Variants in NOL4 observed in about 807,000 individuals in gnomAD.
NOL4 encodes the protein nucleolar protein 4, also known as cancer/testis antigen 125.
NOL4 carries 17 observed loss-of-function variants against 75.9 expected under a neutral mutation model. The observed-to-expected ratio is 0.22, with a 90% CI of 0.15 to 0.34. NOL4 has a LOEUF of 0.34. Among genes scored for constraint, NOL4 ranks in the 10% least tolerant of loss-of-function variants. NOL4 has a pLI of 1.00. For missense variants in NOL4, 614 were observed against 793.5 expected, an observed-to-expected ratio of 0.77 and a Z score of 2.72; for synonymous variants, 292 against 289.9, an observed-to-expected ratio of 1.01 and a Z score of -0.07.
rs186367179 is a variant in NOL4 at position 34,079,257 on chromosome 18, C to T, written c.772+14208G>A. Reference sequence around the variant, plus strand: ...TATCCCCAACGAAGAGTAACTTTCGCATCATATGTCTATCATTGTTAAATC... The same window carrying T: ...TATCCCCAACGAAGAGTAACTTTCGTATCATATGTCTATCATTGTTAAATC... On this transcript the variant is annotated intron_variant, in intron 5 of 10. Coordinates refer to ENST00000261592, the MANE Select transcript of NOL4 (RefSeq NM_003787.5). 1.1e-3 allele frequency among the ~76,000 whole-genome samples: 164 copies of T among 152,192 alleles called. 4 individuals carry two copies. The highest frequency in any genetic ancestry group is 3.7e-3 in the African/African-American group (154 of 41,538).
intron 1 of NOL4, among the ~76,000 whole-genome samples, chr18:34,172,971 G>T (rs1389879057): frequency 6.6e-6 from 1 of 151,942 alleles, no homozygotes; most frequent in East Asian, 1.9e-4. Flanking sequence ...CAATGTTGTT[G>T]AATTTTTTTC....
intron 10 of NOL4, among the ~76,000 whole-genome samples, chr18:33,856,873 A>T (rs2062860825): frequency 6.6e-6 from 1 of 152,076 alleles, no homozygotes; most frequent in South Asian, 2.1e-4. Flanking sequence ...TCTACTACTG[A>T]GGAGAGTAAA....
At chr18:34,059,124 T>TATAC (rs1390089629) in intron 5 of NOL4, among the ~76,000 whole-genome samples, 4 of 32,164 alleles carry the variant, frequency 1.2e-4, no homozygotes, top group Non-Finnish European at 3.3e-4. Flanking sequence ...TAGATATACA[T>TATAC]ATATATATAT....
rs1008262397 is a variant in NOL4, at chr18:34,062,216, GT to G, written c.772+31248del. Among the ~76,000 whole-genome samples, 724 of 151,184 alleles carry G rather than the reference GT, an allele frequency of 4.8e-3. 9 individuals are homozygous for G. Among genetic ancestry groups the G allele is most frequent in the South Asian group, 5.3e-3 (25 of 4,748 alleles). On this transcript the variant is annotated intron_variant, in intron 5 of 10. Coordinates refer to ENST00000261592, the MANE Select transcript of NOL4 (RefSeq NM_003787.5). ...TGTACCACTGAACTTTAAAAAAAAA[GT>G]TTTTTTTTAAAAGATGCCAAATATC...
chr18:34,183,108 G>A (rs76858312), intron 1 of NOL4, among the ~76,000 whole-genome samples: 3,758 of 151,808 alleles, frequency 0.025, 48 homozygotes, highest in African/African-American at 0.028. Flanking sequence ...TTTTAAAAAT[G>A]TCAAAATAAG....
chr18:33,985,097 A>G (rs954396297), intron 6 of NOL4, among the ~76,000 whole-genome samples: 7 of 152,144 alleles, frequency 4.6e-5, no homozygotes, highest in African/African-American at 1.4e-4. Context: ...GTTTCAGAAC[A>G]AAAACTGATC....
intron 5 of NOL4, among the ~76,000 whole-genome samples, chr18:34,080,072 C>T (rs551481735): frequency 1.3e-5 from 2 of 152,266 alleles, no homozygotes; most frequent in South Asian, 4.1e-4. Context: ...TGTACCACAA[C>T]AATTTAGAAG....
intron 6 of NOL4, among the ~76,000 whole-genome samples, chr18:34,014,467 T>C (rs1373678370): frequency 1.3e-5 from 2 of 151,934 alleles, no homozygotes; most frequent in Admixed American, 6.6e-5. Context: ...AAAAGATAAA[T>C]AGAAAACAAA....
At chr18:33,996,741 ATTC>A (rs1290944039) in intron 6 of NOL4, among the ~76,000 whole-genome samples, 1 of 151,826 alleles carries the variant, frequency 6.6e-6, no homozygotes, top group Non-Finnish European at 1.5e-5. Context: ...AAATGATTTC[ATTC>A]TTCTTTTACG....
chr18:33,972,103 G>A (rs1416917167), intron 6 of NOL4, among the ~76,000 whole-genome samples: 1 of 151,516 alleles, frequency 6.6e-6, no homozygotes, highest in Non-Finnish European at 1.5e-5. Flanking sequence ...GGTGGAGGTT[G>A]CAGTGAGCTG....
intron 1 of NOL4, 131 bp downstream of exon 1, chr18:34,222,859 G>A: frequency 2.5e-6 from 3 of 1,203,216 alleles, no homozygotes; most frequent in South Asian, 2.9e-5. Context: ...CTTGGGGAGG[G>A]GGTTGAGGAA....
chr18:34,067,562 C>T (rs968974119), intron 5 of NOL4, among the ~76,000 whole-genome samples: 4 of 152,052 alleles, frequency 2.6e-5, no homozygotes, highest in South Asian at 2.1e-4. Flanking sequence ...GGTAGAGACT[C>T]GAAAGTGGAG....
intron 9 of NOL4, among the ~76,000 whole-genome samples, chr18:33,889,672 C>T (rs1568015497): frequency 1.3e-5 from 2 of 152,050 alleles, no homozygotes; most frequent in African/African-American, 4.8e-5. Flanking sequence ...AACAGCACAT[C>T]AAAAAGTTTA....
At chr18:33,881,396 C>T (rs1225854936) in intron 10 of NOL4, among the ~76,000 whole-genome samples, 1 of 149,808 alleles carries the variant, frequency 6.7e-6, no homozygotes, top group African/African-American at 2.5e-5. Context: ...GAACTTCCAA[C>T]ACTATGTTGA....
At chr18:33,985,781 G>A (rs1373402251) in intron 6 of NOL4, among the ~76,000 whole-genome samples, 1 of 152,074 alleles carries the variant, frequency 6.6e-6, no homozygotes, top group African/African-American at 2.4e-5. Context: ...TGTATGTTGG[G>A]AAAGGCATGA....
chr18:34,020,538 T>G (rs998931500), intron 5 of NOL4, among the ~76,000 whole-genome samples: 4 of 152,224 alleles, frequency 2.6e-5, no homozygotes, highest in African/African-American at 9.6e-5. Context: ...TGTGTGTATC[T>G]CTTTGTAGGT....
chr18:33,880,317 G>A (rs1190122810), intron 10 of NOL4, among the ~76,000 whole-genome samples: 1 of 151,456 alleles, frequency 6.6e-6, no homozygotes, highest in Non-Finnish European at 1.5e-5. Flanking sequence ...GTGTGTGTGT[G>A]TGTGTGTGTG....
intron 6 of NOL4, among the ~76,000 whole-genome samples, chr18:33,971,129 T>C (rs941613277): frequency 5.9e-5 from 9 of 152,246 alleles, no homozygotes; most frequent in African/African-American, 2.2e-4. Flanking sequence ...TTCTAAACTA[T>C]GGCTGAAAAC....
chr18:33,881,369 C>A (rs538022655), intron 10 of NOL4, among the ~76,000 whole-genome samples: 67 of 148,872 alleles, frequency 4.5e-4, no homozygotes, highest in Non-Finnish European at 6.1e-4. Context: ...CCTTCTCCTG[C>A]CTAATTGCCC....
Sources: allele counts gnomAD v4.1 joint callset (sites outside exome capture counted in the v4.1 genomes callset), GRCh38; gene constraint gnomAD v4.1.1; transcripts MANE v1.5; gene names NCBI Gene and HGNC (gene_info 2026-07-23, HGNC 2026-07-21).